MPPED2: variants seen among roughly 807,000 people sequenced by gnomAD.
MPPED2 encodes the protein metallophosphoesterase MPPED2.
In MPPED2, 5 loss-of-function variants were observed where a neutral mutation model predicts 33.0. The observed-to-expected ratio is 0.15, with a 90% CI of 0.08 to 0.32. MPPED2 has a LOEUF of 0.32. Ranked by LOEUF, MPPED2 falls within the 10% of genes least tolerant of loss-of-function variation. The pLI is 1.00. For synonymous variants in MPPED2, 136 were observed against 141.9 expected, an observed-to-expected ratio of 0.96 and a Z score of 0.29; for missense variants, 275 against 372.1, an observed-to-expected ratio of 0.74 and a Z score of 2.15.
At chr11:30,488,614 C>T (rs1053903913) in intron 4 of MPPED2, among the ~76,000 whole-genome samples, 1 of 152,146 alleles carries the variant, frequency 6.6e-6, no homozygotes, top group African/African-American at 2.4e-5. Flanking sequence ...ATCGGTTTTG[C>T]TTTCTCCTTT....
In MPPED2 at chr11:30,428,601, T is replaced by A. The variant is rs895785410; in HGVS notation, c.537-10968A>T. 9.7e-4 allele frequency among the ~76,000 whole-genome samples: 148 copies of A among 152,324 alleles called. 1 individual carries two copies. Among genetic ancestry groups the A allele is most frequent in the African/African-American group, 3.3e-3 (139 of 41,574 alleles). On this transcript the variant is annotated intron_variant, in intron 4 of 6. Coordinates refer to ENST00000358117, the MANE Select transcript of MPPED2 (RefSeq NM_001584.3). ...TAAGTTGGCATGAACCAGAACTTTG[T>A]AGTGCAATGATTAAGTTAAGAGGGT...
At chr11:30,461,270 A>G (rs1218327152) in intron 4 of MPPED2, among the ~76,000 whole-genome samples, 1 of 152,204 alleles carries the variant, frequency 6.6e-6, no homozygotes, top group Non-Finnish European at 1.5e-5. Flanking sequence ...GAAATAACGA[A>G]AAAAGCTCTG....
intron 2 of MPPED2, among the ~76,000 whole-genome samples, chr11:30,536,983 T>C (rs986823483): frequency 1.3e-5 from 2 of 152,158 alleles, no homozygotes; most frequent in African/African-American, 4.8e-5. Flanking sequence ...ATATGTATAG[T>C]TTTAGAGACC....
intron 2 of MPPED2, among the ~76,000 whole-genome samples, chr11:30,560,891 C>A (rs1427909334): frequency 6.6e-6 from 1 of 152,154 alleles, no homozygotes; most frequent in Non-Finnish European, 1.5e-5. Flanking sequence ...AGGCTGAAGA[C>A]CTTTACATCT....
chr11:30,489,050 TCC>T (rs1565118252), intron 4 of MPPED2, among the ~76,000 whole-genome samples: 6 of 31,014 alleles, frequency 1.9e-4, no homozygotes, highest in Non-Finnish European at 4.7e-4. Context: ...CTTCTTCTTC[TCC>T]TTTTTTTTTT....
At chr11:30,450,234 T>C (rs2133944794) in intron 4 of MPPED2, among the ~76,000 whole-genome samples, 1 of 152,330 alleles carries the variant, frequency 6.6e-6, no homozygotes, top group South Asian at 2.1e-4. Flanking sequence ...CCAGGCCTTG[T>C]CAGACCTGAA....
At chr11:30,558,361 CT>C (rs1394079059) in intron 2 of MPPED2, among the ~76,000 whole-genome samples, 7 of 151,936 alleles carry the variant, frequency 4.6e-5, no homozygotes, top group Non-Finnish European at 4.4e-5. Context: ...CTTATATGTA[CT>C]TTGTAAACTT....
At chr11:30,446,296 C>G (rs1043736650) in intron 4 of MPPED2, among the ~76,000 whole-genome samples, 1 of 152,312 alleles carries the variant, frequency 6.6e-6, no homozygotes, top group South Asian at 2.1e-4. Flanking sequence ...TTCAGCTCAG[C>G]CTGCCTACCA....
intron 6 of MPPED2, among the ~76,000 whole-genome samples, chr11:30,412,894 G>A (rs577903791): frequency 2.7e-4 from 41 of 152,280 alleles, no homozygotes; most frequent in African/African-American, 9.9e-4. Flanking sequence ...CACGAATTCA[G>A]ACCTGTTTTC....
chr11:30,517,807 GAGA>G (rs1324431260), intron 3 of MPPED2, among the ~76,000 whole-genome samples: 2 of 152,144 alleles, frequency 1.3e-5, no homozygotes, highest in Admixed American at 6.5e-5. Flanking sequence ...TCTGTCATGG[GAGA>G]AGGAGTCTCC....
At chr11:30,490,297 C>T (rs1467688947) in intron 4 of MPPED2, among the ~76,000 whole-genome samples, 1 of 151,974 alleles carries the variant, frequency 6.6e-6, no homozygotes, top group African/African-American at 2.4e-5. Flanking sequence ...ACCTGCCTGA[C>T]AACAAAAAAC....
At chr11:30,555,847 C>T (rs920560513) in intron 2 of MPPED2, among the ~76,000 whole-genome samples, 22 of 152,208 alleles carry the variant, frequency 1.4e-4, no homozygotes, top group African/African-American at 5.3e-4. Flanking sequence ...ATCCTCTGCA[C>T]ATTCCCCTGG....
intron 6 of MPPED2, among the ~76,000 whole-genome samples, chr11:30,394,058 CATA>C (rs985666322): frequency 2.6e-5 from 4 of 152,212 alleles, no homozygotes; most frequent in Admixed American, 2.0e-4. Context: ...TTTCACTCAG[CATA>C]ATGTCTTTGC....
chr11:30,452,276 G>A (rs2133954629), intron 4 of MPPED2, among the ~76,000 whole-genome samples: 2 of 152,204 alleles, frequency 1.3e-5, no homozygotes, highest in African/African-American at 4.8e-5. Flanking sequence ...CTTGTTTCCT[G>A]TTCAGAAGGC....
At position 30,495,323 on chromosome 11, in the gene MPPED2, T is replaced by C. The variant is rs546950454; in HGVS notation, c.509A>G (p.Lys170Arg). 1 of 1,613,868 alleles carries C rather than the reference T, an allele frequency of 6.2e-7. No homozygotes were observed. Among genetic ancestry groups the C allele is most frequent in the South Asian group, 1.1e-5 (1 of 91,074 alleles). The change falls in exon 4 of 7, where the codon AAG becomes AGG. Residue 170 changes from lysine (K) to arginine (R), a missense_variant. Physicochemically the swap from Lys to Arg is conservative, Grantham distance 26. Coordinates refer to ENST00000358117, the MANE Select transcript of MPPED2 (RefSeq NM_001584.3). ...IYLQDSEVTV[K>R]GFRIYGAPWT... The stretch of plus-strand genomic sequence containing the variant: ...AGGTGCACCGTATATCCTGAATCCC[T>C]TCACTGTTACCTCCGAATCTTGTAA...
Position 30,411,592 on chromosome 11 carries a change from G to T in MPPED2, c.767-6C>A. 6.2e-7 allele frequency: 1 copy of T among 1,609,432 alleles called. No individual in the cohort carries two copies. Among genetic ancestry groups the T allele is most frequent in the Non-Finnish European group, 8.5e-7 (1 of 1,176,754 alleles). On this transcript the variant is annotated splice_region_variant and splice_polypyrimidine_tract_variant and intron_variant, in intron 6 of 6. Transcript: ENST00000358117. ...GTCGGTCATGATGCCATAACCTGTG[G>T]GGAGAGCGTGTCACATTTACTGTAA...
intron 3 of MPPED2, among the ~76,000 whole-genome samples, chr11:30,529,843 C>T (rs895110204): frequency 2.0e-5 from 3 of 152,182 alleles, no homozygotes; most frequent in African/African-American, 7.2e-5. Context: ...CACTCTGTTA[C>T]AGCCATGTCT....
chr11:30,577,791 GA>G (rs546734864), intron 2 of MPPED2, among the ~76,000 whole-genome samples: 19 of 152,166 alleles, frequency 1.2e-4, no homozygotes, highest in Non-Finnish European at 2.5e-4. Context: ...GTACCATCAT[GA>G]AAACATTCAA....
intron 1 of MPPED2, among the ~76,000 whole-genome samples, chr11:30,581,711 A>G (rs1182839072): frequency 5.3e-5 from 8 of 152,214 alleles, no homozygotes; most frequent in African/African-American, 1.9e-4. Flanking sequence ...TTATTTTACA[A>G]CCCGGGGCTT....
Sources: allele counts gnomAD v4.1 joint callset (sites outside exome capture counted in the v4.1 genomes callset), GRCh38; gene constraint gnomAD v4.1.1; transcripts MANE v1.5; gene names NCBI Gene and HGNC (gene_info 2026-07-23, HGNC 2026-07-21).